The following TTC39C variants were observed in gnomAD, a reference collection of about 807,000 sequenced individuals.
TTC39C encodes tetratricopeptide repeat protein 39C.
A neutral mutation model predicts 76.3 loss-of-function variants in TTC39C; 33 were observed. The observed-to-expected ratio is 0.43, with a 90% CI of 0.33 to 0.58. The LOEUF (loss-of-function observed/expected upper bound fraction) is 0.58. Ranked by LOEUF, TTC39C falls within the 20% of genes least tolerant of loss-of-function variation. TTC39C has a pLI of 0.04. For missense variants in TTC39C, 595 were observed against 701.4 expected, an observed-to-expected ratio of 0.85 and a Z score of 1.71; for synonymous variants, 254 against 260.6, an observed-to-expected ratio of 0.97 and a Z score of 0.24.
intron 1 of TTC39C, among the ~76,000 whole-genome samples, chr18:24,045,564 TATTTCTACTCTGG>T (rs1199562131): frequency 2.6e-5 from 3 of 116,998 alleles, no homozygotes; most frequent in Middle Eastern, 4.1e-3. Flanking sequence ...TCACTGTCTG[TATTTCTACTCTGG>T]AACGTAAACT....
chr18:24,044,639 A>G (rs2083840866), intron 1 of TTC39C, among the ~76,000 whole-genome samples: 1 of 152,210 alleles, frequency 6.6e-6, no homozygotes, highest in South Asian at 2.1e-4. Flanking sequence ...CAGGACCGTC[A>G]GCCTCCAAAG....
rs2085160427 is a variant in TTC39C at position 24,133,443 on chromosome 18, T to A, written c.*869T>A. 6.6e-6 allele frequency: 1 copy of A among 152,242 alleles called. No homozygotes were observed. The highest frequency in any genetic ancestry group is 6.5e-5 in the Admixed American group (1 of 15,284). 9.4% of individuals were successfully genotyped at this position (152,242 alleles called of 1,614,324 possible). A position where few individuals can be genotyped will look rare whatever the true frequency, so the allele number is the denominator to read the frequency against. ...CTAATCTATTAGCCTAGTCTATAGA[T>A]TAGACAAACAGTATCTACATTTTAG... is the stretch of plus-strand genomic sequence containing the variant. On this transcript the variant is annotated 3_prime_UTR_variant, in exon 14 of 14. Coordinates refer to ENST00000317571, the MANE Select transcript of TTC39C (RefSeq NM_001135993.2).
At chr18:24,033,227 T>G (rs1282232967) in intron 1 of TTC39C, among the ~76,000 whole-genome samples, 2 of 152,228 alleles carry the variant, frequency 1.3e-5, no homozygotes, top group Non-Finnish European at 1.5e-5. Flanking sequence ...TACTCTAGCC[T>G]GGGCAACAGT....
At chr18:24,075,244 A>T (rs1450064950) in intron 4 of TTC39C, among the ~76,000 whole-genome samples, 1 of 152,156 alleles carries the variant, frequency 6.6e-6, no homozygotes, top group Non-Finnish European at 1.5e-5. Flanking sequence ...GCACATGTAT[A>T]CATACGTAAC....
intron 1 of TTC39C, among the ~76,000 whole-genome samples, chr18:24,028,378 G>A (rs991507103): frequency 6.6e-6 from 1 of 152,146 alleles, no homozygotes; most frequent in Non-Finnish European, 1.5e-5. Context: ...GAGTAGTTGA[G>A]GCTAACTTGA....
At chr18:24,069,122 G>A (rs1249231812) in intron 3 of TTC39C, 35 bp from the exon 4 acceptor site, 1 of 1,493,686 alleles carries the variant, frequency 6.7e-7, no homozygotes, top group Non-Finnish European at 9.3e-7. Context: ...TGTTATGTGT[G>A]ATTTATCAGT....
At chr18:24,089,089 G>A (rs1395256941) in intron 6 of TTC39C, among the ~76,000 whole-genome samples, 4 of 152,214 alleles carry the variant, frequency 2.6e-5, no homozygotes, top group Non-Finnish European at 5.9e-5. Context: ...CAGGAGAGCA[G>A]ACGTTGACCC....
At chr18:24,089,682 G>A (rs2084493705) in intron 6 of TTC39C, among the ~76,000 whole-genome samples, 1 of 152,136 alleles carries the variant, frequency 6.6e-6, no homozygotes, top group Non-Finnish European at 1.5e-5. Context: ...ATATCCCTAA[G>A]CTTATTATGT....
At chr18:24,066,885 C>T (rs1445679571) in intron 3 of TTC39C, among the ~76,000 whole-genome samples, 1 of 152,216 alleles carries the variant, frequency 6.6e-6, no homozygotes, top group Non-Finnish European at 1.5e-5. Context: ...CCTCTCTCTC[C>T]AGCCTGACAC....
intron 10 of TTC39C, among the ~76,000 whole-genome samples, 178 bp from the exon 11 acceptor site, chr18:24,128,708 C>A (rs1169402801): frequency 6.6e-6 from 1 of 152,158 alleles, no homozygotes; most frequent in Non-Finnish European, 1.5e-5. Context: ...TATGGTATGG[C>A]AATTTAATGT....
intron 1 of TTC39C, among the ~76,000 whole-genome samples, chr18:24,062,339 T>C (rs899199558): frequency 6.6e-6 from 1 of 152,218 alleles, no homozygotes; most frequent in Admixed American, 6.5e-5. Context: ...TTGATTGAGA[T>C]GTGTCTGTTC....
intron 1 of TTC39C, among the ~76,000 whole-genome samples, chr18:24,061,584 T>C: frequency 1.3e-5 from 1 of 79,912 alleles, no homozygotes; most frequent in Non-Finnish European, 2.6e-5. Flanking sequence ...TAGGATCACT[T>C]GAAATAAGTA....
chr18:23,995,436 C>T (rs2083253566), intron 1 of TTC39C, among the ~76,000 whole-genome samples: 1 of 151,996 alleles, frequency 6.6e-6, no homozygotes, highest in Admixed American at 6.6e-5. Context: ...CACCACTGCA[C>T]TTCAGCTTGG....
intron 4 of TTC39C, among the ~76,000 whole-genome samples, chr18:24,071,834 C>T (rs1022666662): frequency 6.6e-6 from 1 of 152,152 alleles, no homozygotes; most frequent in African/African-American, 2.4e-5. Flanking sequence ...ATTATTGTTA[C>T]TTAATCCTGT....
chr18:24,114,318 C>CA (rs1555777500), intron 6 of TTC39C: 85 of 372,758 alleles, frequency 2.3e-4, no homozygotes, highest in African/African-American at 1.6e-3. Context: ...GAGGAGAAGG[C>CA]GGCGCGAGCT....
chr18:24,066,142 T>TTC lies in TTC39C; in HGVS notation c.345+2_345+3insTC. 4 of 1,595,994 alleles carry TTC rather than the reference T, an allele frequency of 2.5e-6. No homozygotes were observed. Among genetic ancestry groups the TTC allele is most frequent in the Non-Finnish European group, 3.4e-6 (4 of 1,175,488 alleles). ...ATCAAGAATAAAATTAAGAAGAACG[T>TTC]AAGTATTGCGGCTTTAGGTTGTGGA... On this transcript the variant is annotated splice_region_variant and intron_variant, in intron 3 of 13. Transcript: ENST00000317571.
intron 6 of TTC39C, among the ~76,000 whole-genome samples, chr18:24,093,017 G>A (rs182018183): frequency 6.6e-5 from 10 of 152,300 alleles, no homozygotes; most frequent in Non-Finnish European, 1.2e-4. Flanking sequence ...GTAGTGAGCC[G>A]TGAAGGCACG....
At chr18:24,117,495 A>C (rs4284719) in intron 7 of TTC39C, among the ~76,000 whole-genome samples, 13,618 of 152,160 alleles carry the variant, frequency 0.089, 855 homozygotes, top group Middle Eastern at 0.27. Flanking sequence ...TGAGGTCAGG[A>C]GTTCAAGACC....
At chr18:24,109,174 T>TCCAAAAAAAAAAAAAAAAA (rs1161431345) in intron 6 of TTC39C, among the ~76,000 whole-genome samples, 1 of 27,140 alleles carries the variant, frequency 3.7e-5, no homozygotes, top group African/African-American at 4.0e-4. Context: ...CTCCCGTCTC[T>TCCAAAAAAAAAAAAAAAAA]ACAAAAAAAA....
Sources: allele counts gnomAD v4.1 joint callset (sites outside exome capture counted in the v4.1 genomes callset), GRCh38; gene constraint gnomAD v4.1.1; transcripts MANE v1.5; gene names NCBI Gene and HGNC (gene_info 2026-07-23, HGNC 2026-07-21).